MINDY2: variants seen among roughly 807,000 people sequenced by gnomAD.
MINDY2 encodes the protein MINDY lysine 48 deubiquitinase 2.
Under a neutral mutation model 68.2 loss-of-function variants are expected in MINDY2, and 52 were observed. That is an observed-to-expected ratio of 0.76 (90% CI 0.61 to 0.96). The LOEUF (loss-of-function observed/expected upper bound fraction) is 0.96, where lower values mean the gene tolerates loss of function less well. MINDY2 is among the 40% of genes least tolerant of loss of function. The probability of loss-of-function intolerance (pLI) is 0.00; values close to 1 mark genes in which losing one functional copy is unlikely to be tolerated. For missense variants in MINDY2, 881 were observed against 773.4 expected (o/e 1.14, Z -1.65); for synonymous variants, 372 against 303.0 (o/e 1.23, Z -2.36).
chr15:58,793,458 GTAAA>G (rs1902071462), intron 2 of MINDY2, among the ~76,000 whole-genome samples: 1 of 151,996 alleles, frequency 6.6e-6, no homozygotes, highest in East Asian at 1.9e-4. Flanking sequence ...CAAAAAATAA[GTAAA>G]TAAATAAATA....
chr15:58,813,770 A>T (rs2030472177), intron 4 of MINDY2, among the ~76,000 whole-genome samples: 1 of 151,420 alleles, frequency 6.6e-6, no homozygotes, highest in African/African-American at 2.4e-5. Context: ...AGAAAGCGAC[A>T]AACTGTTTAC....
intron 2 of MINDY2, among the ~76,000 whole-genome samples, chr15:58,789,009 C>G (rs1901697804): frequency 6.6e-6 from 1 of 150,618 alleles, no homozygotes. Context: ...GAGACTCCGT[C>G]TCAAAAACAA....
chr15:58,847,602 A>C, intron 7 of MINDY2, 132 bp downstream of exon 7: 1 of 665,932 alleles, frequency 1.5e-6, no homozygotes, highest in Non-Finnish European at 2.4e-6. Flanking sequence ...ACACTTCCTG[A>C]ATAGTTGGTG....
intron 1 of MINDY2, among the ~76,000 whole-genome samples, chr15:58,773,968 C>G (rs1177931900): frequency 1.3e-5 from 2 of 152,204 alleles, no homozygotes; most frequent in Non-Finnish European, 2.9e-5. Context: ...TAGACTTGCT[C>G]TAACGGGCCA....
chr15:58,784,590 A>C (rs1227991828), intron 1 of MINDY2, among the ~76,000 whole-genome samples: 1 of 131,220 alleles, frequency 7.6e-6, no homozygotes. Context: ...TTGATTTGTC[A>C]TTTTTTTCTT....
chr15:58,792,672 A>G (rs1386889329), intron 2 of MINDY2, among the ~76,000 whole-genome samples: 1 of 152,216 alleles, frequency 6.6e-6, no homozygotes, highest in Non-Finnish European at 1.5e-5. Context: ...GAAACAACCG[A>G]AATGTCTTAT....
chr15:58,804,503 ATCT>A (rs1183658780), intron 3 of MINDY2, among the ~76,000 whole-genome samples: 2 of 151,988 alleles, frequency 1.3e-5, no homozygotes, highest in Non-Finnish European at 2.9e-5. Flanking sequence ...AAATGAGAAA[ATCT>A]TAATTTTCGT....
rs1900459123 is a variant in MINDY2 at position 58,772,061 on chromosome 15, G to T, written c.666G>T (p.Glu222Asp). 1 of 1,611,476 alleles carries T rather than the reference G, an allele frequency of 6.2e-7. No homozygotes were observed. Among genetic ancestry groups the T allele is most frequent in the Non-Finnish European group, 8.5e-7 (1 of 1,178,494 alleles). Residue 222 changes from glutamate to aspartate, a missense_variant, in exon 1 of 9, where the codon GAG (glutamate) becomes GAT (aspartate). Physicochemically the swap from Glu to Asp is conservative, Grantham distance 45. Transcript: ENST00000559228. ...CTGTTCCTCTGTGCAAGGAGGAGGA[G>T]GGGGAGGAGACCGCTCAGGTGCTGG... ...PGAVPLCKEE[E>D]GEETAQVLAA...
At chr15:58,812,926 C>T (rs1408954371) in intron 4 of MINDY2, among the ~76,000 whole-genome samples, 1 of 152,080 alleles carries the variant, frequency 6.6e-6, no homozygotes, top group African/African-American at 2.4e-5. Flanking sequence ...CACAAGAATC[C>T]CGCCTGATGC....
rs777551191 is a variant in MINDY2 at position 58,847,289 on chromosome 15, T to G, written c.1369-8T>G. 2 of 1,541,860 alleles carry G rather than the reference T, an allele frequency of 1.3e-6. No homozygotes were observed. Among genetic ancestry groups the G allele is most frequent in the Non-Finnish European group, 1.8e-6 (2 of 1,135,500 alleles). ...ACAGTCCTTTTTCTTTTGTTACTTC[T>G]TATTAAGGGTCAACTGTATTTGTTG... On this transcript the variant is annotated splice_polypyrimidine_tract_variant and splice_region_variant and intron_variant, in intron 6 of 8. Transcript: ENST00000559228.
chr15:58,815,775 G>T (rs1424091388), intron 4 of MINDY2: 3 of 152,064 alleles, frequency 2.0e-5, no homozygotes, highest in African/African-American at 7.3e-5. Flanking sequence ...CATCTCCCGG[G>T]TTCAAGTGAT....
At chr15:58,826,959 T>C (rs150346838) in intron 5 of MINDY2, among the ~76,000 whole-genome samples, 1 of 152,286 alleles carries the variant, frequency 6.6e-6, no homozygotes, top group East Asian at 1.9e-4. Flanking sequence ...TTTTGTCGTT[T>C]ATGACATTGA....
chr15:58,844,776 G>A (rs1021640567), intron 6 of MINDY2, among the ~76,000 whole-genome samples: 26 of 151,102 alleles, frequency 1.7e-4, no homozygotes, highest in African/African-American at 6.1e-4. Flanking sequence ...AATTAGCCAG[G>A]CGTGGTGGTG....
At chr15:58,849,937 A>G (rs1319040227) in intron 7 of MINDY2, among the ~76,000 whole-genome samples, 1 of 152,084 alleles carries the variant, frequency 6.6e-6, no homozygotes, top group Non-Finnish European at 1.5e-5. Flanking sequence ...GGGTTTCGCC[A>G]TGTTACCCAC....
In MINDY2 at chr15:58,771,886, C is replaced by T; in HGVS notation, c.491C>T (p.Pro164Leu). The change falls in exon 1 of 9, where the codon CCG becomes CTG. Residue 164 changes from proline to leucine, a missense_variant. Coordinates refer to ENST00000559228, the MANE Select transcript of MINDY2 (RefSeq NM_001040450.3). ...GGCCTCAGCAGCAGTTGCAGCGACC[C>T]GAGCCCTCCTGGGGAATCTCCGAGC... The part of the protein sequence containing the change: ...AGGLSSSCSD[P>L]SPPGESPSLD... The T allele has an allele frequency of 6.4e-7, 1 of 1,570,952 alleles. No individual in the cohort carries two copies. Among genetic ancestry groups the T allele is most frequent in the East Asian group, 2.2e-5 (1 of 44,526 alleles).
intron 7 of MINDY2, among the ~76,000 whole-genome samples, chr15:58,848,641 G>A (rs1329540391): frequency 2.0e-5 from 3 of 152,130 alleles, no homozygotes; most frequent in African/African-American, 4.8e-5. Flanking sequence ...AGCTACTCAG[G>A]AGGCTGAGGC....
At chr15:58,821,590 T>G (rs769266468) in intron 4 of MINDY2, 127 bp from the exon 5 acceptor site, 2 of 395,202 alleles carry the variant, frequency 5.1e-6, no homozygotes, top group Non-Finnish European at 8.2e-6. Context: ...GTGCTGATTT[T>G]GTTTTTCGTA....
chr15:58,820,324 A>T (rs2030981631), intron 4 of MINDY2, among the ~76,000 whole-genome samples: 2 of 151,366 alleles, frequency 1.3e-5, no homozygotes, highest in Admixed American at 1.3e-4. Flanking sequence ...GGCGCCTGTA[A>T]TCCCTGCTAC....
At chr15:58,778,810 CTTTTTTTTT>C (rs1182523003) in intron 1 of MINDY2, among the ~76,000 whole-genome samples, 6 of 114,374 alleles carry the variant, frequency 5.2e-5, no homozygotes, top group Middle Eastern at 9.1e-3. Flanking sequence ...TTCTTTTTTT[CTTTTTTTTT>C]TTTTTTTTTT....
Sources: allele counts gnomAD v4.1 joint callset (sites outside exome capture counted in the v4.1 genomes callset), GRCh38; gene constraint gnomAD v4.1.1; transcripts MANE v1.5; gene names NCBI Gene and HGNC (gene_info 2026-07-23, HGNC 2026-07-21).